Variants in PDE10A observed in about 807,000 individuals in gnomAD.
The protein encoded by PDE10A is cAMP and cAMP-inhibited cGMP 3',5'-cyclic phosphodiesterase 10A.
In PDE10A, 39 loss-of-function variants were observed where a neutral mutation model predicts 97.7. That is an observed-to-expected ratio of 0.40 (90% confidence interval 0.31 to 0.52). The LOEUF (loss-of-function observed/expected upper bound fraction) is 0.52. PDE10A is among the 20% of genes least tolerant of loss of function. PDE10A has a pLI of 0.56. For missense variants in PDE10A, 731 were observed against 1,047.8 expected (o/e 0.70, Z 4.17); for synonymous variants, 371 against 376.8 (o/e 0.98, Z 0.18).
intron 1 of PDE10A, among the ~76,000 whole-genome samples, chr6:165,889,952 TC>T (rs1781741241): frequency 2.4e-5 from 1 of 41,766 alleles, no homozygotes; most frequent in Non-Finnish European, 4.7e-5. Context: ...CCCTCCCTCC[TC>T]CCTCCCTCAC....
At chr6:165,649,020 T>A (rs1789547620) in intron 1 of PDE10A, among the ~76,000 whole-genome samples, 1 of 151,958 alleles carries the variant, frequency 6.6e-6, no homozygotes, top group African/African-American at 2.4e-5. Context: ...CAGAACAGTC[T>A]CCTGTGAGAA....
Position 165,799,725 on chromosome 6 carries a change from A to G in PDE10A, c.-615+187804T>C, listed in dbSNP as rs1205799040. ...TCAGAAATTTTTTAGACTTATAACAAATAAGTTCAGTAAACTCTCCTGGGC... is the reference window on the plus strand; with the variant it reads ...TCAGAAATTTTTTAGACTTATAACAGATAAGTTCAGTAAACTCTCCTGGGC... On this transcript the variant is annotated intron_variant, in intron 1 of 19. Coordinates refer to the PDE10A transcript ENST00000366882. 3.3e-5 allele frequency among the ~76,000 whole-genome samples: 5 copies of G among 152,174 alleles called. No individual in the cohort carries two copies. The East Asian group carries it at 7.7e-4, about 23-fold the overall frequency.
chr6:165,623,177 C>A (rs1340134995), intron 1 of PDE10A, among the ~76,000 whole-genome samples: 1 of 152,180 alleles, frequency 6.6e-6, no homozygotes, highest in Non-Finnish European at 1.5e-5. Context: ...GTCACCCAGG[C>A]TGGAGTGGCA....
chr6:165,936,481 G>A (rs1783334197), intron 1 of PDE10A, among the ~76,000 whole-genome samples: 2 of 152,202 alleles, frequency 1.3e-5, no homozygotes, highest in Admixed American at 1.3e-4. Context: ...AGAAAGAACA[G>A]ATGGTCACGA....
intron 1 of PDE10A, among the ~76,000 whole-genome samples, chr6:165,744,344 T>A (rs1388671919): frequency 6.6e-6 from 1 of 152,226 alleles, no homozygotes; most frequent in Non-Finnish European, 1.5e-5. Context: ...TGTATATGTG[T>A]GCATAATTTC....
chr6:165,394,104 C>T (rs2128216808), intron 15 of PDE10A, among the ~76,000 whole-genome samples: 1 of 151,990 alleles, frequency 6.6e-6, no homozygotes, highest in East Asian at 1.9e-4. Flanking sequence ...TTCTGGGGTC[C>T]ACGTGCAGAA....
intron 13 of PDE10A, among the ~76,000 whole-genome samples, chr6:165,400,598 T>C (rs1431117488): frequency 6.6e-6 from 1 of 152,166 alleles, no homozygotes; most frequent in Admixed American, 6.5e-5. Context: ...CTGGAACACA[T>C]GCTGTGATTT....
Position 165,379,183 on chromosome 6 carries a change from A to T in PDE10A, c.2783+11T>A, listed in dbSNP as rs144384944. ...TTTCTGGGCTTCTAAGCTTTTAAAA[A>T]TTATTTTTACCTATGTGATTGATTA... On this transcript the variant is annotated intron_variant, in intron 18 of 21. Coordinates refer to ENST00000539869, the MANE Select transcript of PDE10A (RefSeq NM_001385079.1). The T allele has an allele frequency of 7.3e-5, 116 of 1,579,400 alleles. No homozygotes were observed. In the East Asian group the frequency reaches 2.6e-3, roughly 36 times the overall value.
At chr6:165,513,049 A>T (rs944965711) in intron 2 of PDE10A, among the ~76,000 whole-genome samples, 1 of 152,054 alleles carries the variant, frequency 6.6e-6, no homozygotes, top group East Asian at 1.9e-4. Context: ...TCTGGATACA[A>T]GTTCTTAGTG....
At chr6:165,557,318 T>TA (rs139209250) in intron 1 of PDE10A, among the ~76,000 whole-genome samples, 2,597 of 152,188 alleles carry the variant, frequency 0.017, 73 homozygotes, top group African/African-American at 0.06. Context: ...GAAAGAGACT[T>TA]ATATACCGAT....
At chr6:165,555,177 G>C (rs1784191816) in intron 1 of PDE10A, among the ~76,000 whole-genome samples, 1 of 152,122 alleles carries the variant, frequency 6.6e-6, no homozygotes, top group South Asian at 2.1e-4. Flanking sequence ...TAATTGGAGT[G>C]TTTGTAACTC....
At chr6:165,857,277 G>A (rs143507806) in intron 1 of PDE10A, among the ~76,000 whole-genome samples, 79 of 152,244 alleles carry the variant, frequency 5.2e-4, no homozygotes, top group African/African-American at 1.8e-3. Flanking sequence ...GTTTTGACCC[G>A]GACCTGAACC....
At chr6:165,988,052 T>C (rs1164755614), upstream of PDE10A, 2 of 448,716 alleles carry the variant, frequency 4.5e-6, no homozygotes, top group Non-Finnish European at 9.0e-6. Flanking sequence ...CTCTCCCGGC[T>C]GCCCGGAACT....
chr6:165,980,815 G>A (rs886987230), intron 1 of PDE10A, among the ~76,000 whole-genome samples: 6 of 152,214 alleles, frequency 3.9e-5, no homozygotes, highest in African/African-American at 9.6e-5. Flanking sequence ...ATTGGTCATC[G>A]TGATTGCTAC....
At chr6:165,846,049 T>G (rs2128474029) in intron 1 of PDE10A, among the ~76,000 whole-genome samples, 1 of 152,338 alleles carries the variant, frequency 6.6e-6, no homozygotes, top group African/African-American at 2.4e-5. Flanking sequence ...TAGGGCAGTT[T>G]ACAGAATGCA....
intron 18 of PDE10A, among the ~76,000 whole-genome samples, chr6:165,370,212 A>G (rs1382393744): frequency 6.6e-6 from 1 of 151,974 alleles, no homozygotes; most frequent in African/African-American, 2.4e-5. Flanking sequence ...TGACAGGATC[A>G]AATTCACACA....
In PDE10A at chr6:165,659,894, A is replaced by C. The variant is rs1265472015; in HGVS notation, c.865+2053T>G. ...CACAACATCCAGCAGGGCCCTGAAC[A>C]CACGAGCCAACAGCAGTTTCAGCAG... On this transcript the variant is annotated intron_variant, in intron 1 of 21. Transcript: ENST00000539869. 3.9e-5 allele frequency among the ~76,000 whole-genome samples: 6 copies of C among 152,190 alleles called. 1 individual carries two copies. The East Asian group carries it at 1.2e-3, about 29-fold the overall frequency.
chr6:165,761,856 G>A (rs904405518), intron 1 of PDE10A, among the ~76,000 whole-genome samples: 1 of 152,122 alleles, frequency 6.6e-6, no homozygotes, highest in African/African-American at 2.4e-5. Flanking sequence ...CCTTCTGTAA[G>A]AAGTAACTAT....
At chr6:165,486,841 C>T (rs545445910) in intron 2 of PDE10A, among the ~76,000 whole-genome samples, 10 of 152,342 alleles carry the variant, frequency 6.6e-5, no homozygotes, top group African/African-American at 2.4e-4. Flanking sequence ...AGAATGACAG[C>T]TGTGTTCAAG....
Sources: gnomAD v4.1 joint callset for allele counts (sites outside exome capture counted in the v4.1 genomes callset) on GRCh38, gnomAD v4.1.1 for gene constraint, MANE v1.5 for transcripts, NCBI Gene and HGNC (gene_info 2026-07-23, HGNC 2026-07-21) for gene names.